EDIL3: variants seen among roughly 807,000 people sequenced by gnomAD.
The protein encoded by EDIL3 is EGF like and discoidin domains 3, also known as EGF-like repeat and discoidin I-like domain-containing protein 3.
A neutral mutation model predicts 67.4 loss-of-function variants in EDIL3; 37 were observed. The observed-to-expected ratio is 0.55, with a 90% CI of 0.42 to 0.72. The LOEUF is 0.72. EDIL3 is among the 30% of genes least tolerant of loss of function. The probability of loss-of-function intolerance (pLI) is 0.00; values close to 1 mark genes in which losing one functional copy is unlikely to be tolerated. For missense variants in EDIL3, 527 were observed against 586.3 expected, an observed-to-expected ratio of 0.90 and a Z score of 1.04; for synonymous variants, 195 against 196.3, an observed-to-expected ratio of 0.99 and a Z score of 0.05.
intron 3 of EDIL3, among the ~76,000 whole-genome samples, chr5:84,189,749 A>G (rs1472192227): frequency 6.6e-6 from 1 of 152,064 alleles, no homozygotes; most frequent in African/African-American, 2.4e-5. Context: ...GTTATTCTGC[A>G]TATACATTTT....
chr5:84,117,319 C>T (rs1309265339), intron 5 of EDIL3, among the ~76,000 whole-genome samples: 1 of 151,946 alleles, frequency 6.6e-6, no homozygotes. Context: ...CGTGAGCCAC[C>T]GCGCCCGGCC....
At chr5:84,262,321 T>C (rs1274043813) in intron 1 of EDIL3, among the ~76,000 whole-genome samples, 1 of 151,986 alleles carries the variant, frequency 6.6e-6, no homozygotes, top group Non-Finnish European at 1.5e-5. Context: ...GAGAAAGGAA[T>C]AGGAAAAACC....
intron 1 of EDIL3, among the ~76,000 whole-genome samples, chr5:84,374,448 T>C (rs1290987388): frequency 6.6e-6 from 1 of 152,210 alleles, no homozygotes; most frequent in Non-Finnish European, 1.5e-5. Context: ...AATACTTATG[T>C]TTCCTAAAGT....
chr5:83,999,630 ATATACT>A (rs1745289717), intron 9 of EDIL3, among the ~76,000 whole-genome samples: 1 of 152,152 alleles, frequency 6.6e-6, no homozygotes, highest in Non-Finnish European at 1.5e-5. Context: ...AAATAATGAA[ATATACT>A]TAAAAGATCT....
intron 3 of EDIL3, among the ~76,000 whole-genome samples, chr5:84,210,378 T>C (rs1449853589): frequency 6.6e-6 from 1 of 152,132 alleles, no homozygotes; most frequent in Non-Finnish European, 1.5e-5. Context: ...TCATGCTCTA[T>C]ATATTTTATT....
chr5:84,031,363 G>C (rs1365486554), intron 9 of EDIL3, among the ~76,000 whole-genome samples: 3 of 152,120 alleles, frequency 2.0e-5, no homozygotes, highest in Non-Finnish European at 4.4e-5. Context: ...AAGAAATTTT[G>C]CTAAATTCAA....
intron 6 of EDIL3, among the ~76,000 whole-genome samples, chr5:84,073,024 G>C (rs13184179): frequency 0.13 from 19,864 of 152,192 alleles, 1,560 homozygotes; most frequent in Non-Finnish European, 0.19. Flanking sequence ...GAAGATATCT[G>C]CATGTCTAGA....
Position 84,384,591 on chromosome 5 carries a change from C to T in EDIL3, c.-217G>A. The T allele has an allele frequency of 2.5e-6, 1 of 392,906 alleles. No homozygotes were observed. Among genetic ancestry groups the T allele is most frequent in the Non-Finnish European group, 4.4e-6 (1 of 225,020 alleles). 24.3% of individuals were successfully genotyped at this position (392,906 alleles called of 1,614,324 possible). On this transcript the variant is annotated 5_prime_UTR_variant, in exon 1 of 11. Transcript: ENST00000296591. ...TCCTCCCCTTTTGCCTGCGCTCCGG[C>T]GCGCGGAGGTGGGTGAGCTCCGGGG...
At chr5:84,009,169 T>G (rs2112178265) in intron 9 of EDIL3, among the ~76,000 whole-genome samples, 1 of 152,296 alleles carries the variant, frequency 6.6e-6, no homozygotes, top group East Asian at 1.9e-4. Flanking sequence ...CAAGTTGTTT[T>G]GTTTCATTTT....
At chr5:84,266,342 A>G (rs1350901505) in intron 1 of EDIL3, among the ~76,000 whole-genome samples, 1 of 152,118 alleles carries the variant, frequency 6.6e-6, no homozygotes, top group Non-Finnish European at 1.5e-5. Context: ...CAGCCCCAAC[A>G]TGAAAGAGGA....
intron 8 of EDIL3, among the ~76,000 whole-genome samples, chr5:84,063,302 C>T (rs957816166): frequency 1.3e-5 from 2 of 152,034 alleles, no homozygotes; most frequent in Non-Finnish European, 2.9e-5. Context: ...TGACACTGGT[C>T]TGTGGTGATA....
intron 3 of EDIL3, among the ~76,000 whole-genome samples, chr5:84,193,101 T>C (rs528062875): frequency 6.6e-6 from 1 of 151,786 alleles, no homozygotes; most frequent in South Asian, 2.1e-4. Context: ...TTAAGAAAAA[T>C]AAAACAAAAC....
chr5:84,191,389 T>C (rs1007603672), intron 3 of EDIL3, among the ~76,000 whole-genome samples: 2 of 151,998 alleles, frequency 1.3e-5, no homozygotes, highest in Non-Finnish European at 2.9e-5. Flanking sequence ...GCTGCACTCA[T>C]ATGGGAATGG....
chr5:84,185,157 T>C (rs1749087048), intron 3 of EDIL3, among the ~76,000 whole-genome samples: 1 of 152,198 alleles, frequency 6.6e-6, no homozygotes, highest in Non-Finnish European at 1.5e-5. Context: ...TAACACACTC[T>C]GCCTAACTAT....
At chr5:84,159,821 AT>A (rs1168500360) in intron 4 of EDIL3, among the ~76,000 whole-genome samples, 1 of 152,138 alleles carries the variant, frequency 6.6e-6, no homozygotes, top group Non-Finnish European at 1.5e-5. Context: ...TTTATCAACA[AT>A]AATGGTGGAC....
intron 10 of EDIL3, among the ~76,000 whole-genome samples, chr5:83,953,998 T>C (rs974294037): frequency 1.3e-5 from 2 of 151,864 alleles, no homozygotes; most frequent in African/African-American, 4.8e-5. Flanking sequence ...TAAACATGGA[T>C]ATATGACAGG....
At position 83,943,538 on chromosome 5, in the gene EDIL3, G is replaced by T; in HGVS notation, c.1324C>A (p.His442Asn). 1 of 1,612,302 alleles carries T rather than the reference G, an allele frequency of 6.2e-7. No individual in the cohort carries two copies. The highest frequency in any genetic ancestry group is 1.1e-5 in the South Asian group (1 of 91,026). ...GGAGGGTCGATGACATTTTTTCTGT[G>T]AGTGTCATTGTCAAAATTTCCCTGG... ...VFQGNFDNDTHRKNVIDPPIY... is the reference protein window; with the variant it reads ...VFQGNFDNDTNRKNVIDPPIY... The change falls in exon 11 of 11, where the codon CAC becomes AAC. Residue 442 changes from histidine (H) to asparagine (N), a missense_variant. By Grantham distance (68) the His-to-Asn change is moderately conservative (BLOSUM62 1). Around this residue, in one of 2 missense-constraint regions of EDIL3, gnomAD observed 33 missense variants for 63.7 expected, o/e 0.52. Coordinates refer to ENST00000296591, the MANE Select transcript of EDIL3 (RefSeq NM_005711.5).
intron 2 of EDIL3, among the ~76,000 whole-genome samples, chr5:84,231,806 T>C (rs1950501141): frequency 6.6e-6 from 1 of 152,220 alleles, no homozygotes; most frequent in Admixed American, 6.5e-5. Flanking sequence ...AGGAATTCCC[T>C]TTTAGGAAAA....
intron 10 of EDIL3, among the ~76,000 whole-genome samples, chr5:83,959,372 C>CT (rs1320414188): frequency 2.0e-5 from 3 of 150,818 alleles, no homozygotes. Context: ...TTTCAGATTA[C>CT]TTTTCTGAAG....
Sources: allele counts gnomAD v4.1 joint callset (sites outside exome capture counted in the v4.1 genomes callset), GRCh38; gene constraint gnomAD v4.1.1; regional missense constraint gnomAD v4.1.1; transcripts MANE v1.5; gene names NCBI Gene and HGNC (gene_info 2026-07-23, HGNC 2026-07-21).